CLASP1: variants seen among roughly 807,000 people sequenced by gnomAD.
The protein encoded by CLASP1 is CLIP-associating protein 1.
CLASP1 carries 38 observed loss-of-function variants against 192.3 expected under a neutral mutation model. That is an observed-to-expected ratio of 0.20 (90% CI 0.15 to 0.26). The LOEUF (loss-of-function observed/expected upper bound fraction) is 0.26. Among genes scored for constraint, CLASP1 ranks in the 10% least tolerant of loss-of-function variants. The probability of loss-of-function intolerance (pLI) is 1.00; values close to 1 mark genes in which losing one functional copy is unlikely to be tolerated. For synonymous variants in CLASP1, 691 were observed against 712.8 expected, an observed-to-expected ratio of 0.97 and a Z score of 0.49; for missense variants, 1,433 against 1,932.5, an observed-to-expected ratio of 0.74 and a Z score of 4.85.
intron 30 of CLASP1, among the ~76,000 whole-genome samples, chr2:121,391,314 G>A (rs1232988295): frequency 6.6e-6 from 1 of 152,080 alleles, no homozygotes; most frequent in Non-Finnish European, 1.5e-5. Context: ...GACCTAGTGG[G>A]GAAATCCTCA....
At chr2:121,349,075 C>A (rs1398411440) in intron 37 of CLASP1, among the ~76,000 whole-genome samples, 1 of 151,986 alleles carries the variant, frequency 6.6e-6, no homozygotes, top group African/African-American at 2.4e-5. Flanking sequence ...CCCATCTCTA[C>A]TAAAAATACA....
Position 121,425,234 on chromosome 2 carries a change from C to T in CLASP1, c.2117G>A (p.Arg706Gln), listed in dbSNP as rs771685570. Residue 706 changes from arginine (R) to glutamine (Q), a missense_variant, in exon 22 of 40, where the codon CGA (arginine) becomes CAA (glutamine). Physicochemically the swap from Arg to Gln is conservative, Grantham distance 43. Coordinates refer to ENST00000263710, the Ensembl canonical transcript of CLASP1. ...TGAAGACGGTGTCACAGGTGGGCCT[C>T]GTGAGGAGCCCCCAGTAAGTCCACC... The T allele has an allele frequency of 2.4e-5, 39 of 1,613,502 alleles. No individual in the cohort carries two copies. The highest frequency in any genetic ancestry group is 1.0e-4 in the Admixed American group (6 of 59,856).
intron 8 of CLASP1, among the ~76,000 whole-genome samples, chr2:121,478,830 C>CCA (rs2092149829): frequency 8.4e-5 from 5 of 59,788 alleles, no homozygotes. Context: ...CAACCACACA[C>CCA]CACACACCAC....
intron 30 of CLASP1, among the ~76,000 whole-genome samples, chr2:121,390,232 T>C (rs1435142287): frequency 9.2e-5 from 14 of 152,182 alleles, no homozygotes; most frequent in South Asian, 2.1e-4. Flanking sequence ...ATTCCAGATA[T>C]GGAACTGGGC....
chr2:121,477,475 C>T (rs1229855313), intron 8 of CLASP1, among the ~76,000 whole-genome samples: 1 of 152,102 alleles, frequency 6.6e-6, no homozygotes, highest in Non-Finnish European at 1.5e-5. Context: ...AAAACATATA[C>T]CTATTTTAAA....
chr2:121,610,345 G>A (rs368631350), intron 1 of CLASP1, among the ~76,000 whole-genome samples: 1 of 151,256 alleles, frequency 6.6e-6, no homozygotes, highest in East Asian at 1.9e-4. Flanking sequence ...GGAGGAAGAG[G>A]AGCTGGAGGA....
intron 21 of CLASP1, among the ~76,000 whole-genome samples, chr2:121,426,442 C>T (rs1012595336): frequency 1.1e-4 from 16 of 152,116 alleles, no homozygotes; most frequent in African/African-American, 3.6e-4. Context: ...AAAGACCTCA[C>T]GGAAAGACTA....
At chr2:121,402,613 T>C (rs1158806915) in intron 26 of CLASP1, 2 of 518,912 alleles carry the variant, frequency 3.9e-6, no homozygotes, top group Non-Finnish European at 7.7e-6. Flanking sequence ...AGACTTCTGA[T>C]GGAAACAAAT....
At chr2:121,514,049 G>A (rs918741815) in intron 7 of CLASP1, among the ~76,000 whole-genome samples, 4 of 152,212 alleles carry the variant, frequency 2.6e-5, no homozygotes, top group African/African-American at 9.6e-5. Context: ...GGCCAGGCCT[G>A]TAAGCAGGCC....
intron 2 of CLASP1, among the ~76,000 whole-genome samples, chr2:121,541,313 T>C (rs2095228703): frequency 6.6e-6 from 1 of 152,230 alleles, no homozygotes; most frequent in Non-Finnish European, 1.5e-5. Flanking sequence ...CACATTCATA[T>C]TGCACTTCAT....
chr2:121,420,667 A>G (rs1184273431), intron 22 of CLASP1, among the ~76,000 whole-genome samples: 1 of 152,226 alleles, frequency 6.6e-6, no homozygotes, highest in Non-Finnish European at 1.5e-5. Context: ...GTCGTATTCC[A>G]CTGCCCACTC....
intron 37 of CLASP1, among the ~76,000 whole-genome samples, chr2:121,350,398 C>T (rs749148071): frequency 2.0e-5 from 3 of 152,332 alleles, no homozygotes; most frequent in Admixed American, 2.0e-4. Flanking sequence ...AGGAGGCCCA[C>T]AGAGAGGCCA....
At chr2:121,430,553 C>A (rs2081217580) in intron 19 of CLASP1, among the ~76,000 whole-genome samples, 1 of 151,926 alleles carries the variant, frequency 6.6e-6, no homozygotes, top group Non-Finnish European at 1.5e-5. Context: ...ACAAATCTGA[C>A]AAATTTCCAA....
intron 6 of CLASP1, among the ~76,000 whole-genome samples, 167 bp downstream of exon 6, chr2:121,525,678 T>C (rs2094557866): frequency 6.6e-6 from 1 of 152,140 alleles, no homozygotes; most frequent in Non-Finnish European, 1.5e-5. Flanking sequence ...TTTTATACAT[T>C]TGAATGTATA....
chr2:121,614,927 A>G (rs1417401840), intron 1 of CLASP1, among the ~76,000 whole-genome samples: 1 of 152,262 alleles, frequency 6.6e-6, no homozygotes, highest in Non-Finnish European at 1.5e-5. Flanking sequence ...AACGTGAATA[A>G]GCACTATGAA....
chr2:121,468,897 A>G (rs559135991), intron 9 of CLASP1, among the ~76,000 whole-genome samples: 8 of 151,940 alleles, frequency 5.3e-5, no homozygotes, highest in Non-Finnish European at 1.0e-4. Context: ...CTTGCTGGAG[A>G]GGGGTTGCGG....
intron 2 of CLASP1, among the ~76,000 whole-genome samples, chr2:121,602,560 C>T (rs1052140439): frequency 2.6e-5 from 4 of 152,170 alleles, no homozygotes; most frequent in African/African-American, 9.6e-5. Context: ...TCAAAGTAAA[C>T]TACAAAGCTG....
rs141690906 is a variant in CLASP1, at chr2:121,627,935, G to C, written c.-286+21437C>G. 4.9e-3 allele frequency among the ~76,000 whole-genome samples: 745 copies of C among 152,170 alleles called. 8 individuals carry two copies. The highest frequency in any genetic ancestry group is 0.017 in the African/African-American group (722 of 41,508). The stretch of plus-strand genomic sequence containing the variant: ...GACAATTTCATATACTATCAAATAA[G>C]GAATTTTATACACTGCATACAATTT... On this transcript the variant is annotated intron_variant, in intron 1 of 39. Coordinates refer to ENST00000263710, the Ensembl canonical transcript of CLASP1.
chr2:121,359,009 A>G (rs1333871496), intron 37 of CLASP1, among the ~76,000 whole-genome samples: 2 of 152,288 alleles, frequency 1.3e-5, no homozygotes, highest in Non-Finnish European at 2.9e-5. Context: ...ATTACAGAAT[A>G]TCTTCAAAAA....
Sources: allele counts gnomAD v4.1 joint callset (sites outside exome capture counted in the v4.1 genomes callset), GRCh38; gene constraint gnomAD v4.1.1; transcripts MANE v1.5; gene names NCBI Gene and HGNC (gene_info 2026-07-23, HGNC 2026-07-21).